PRR5: variants seen among roughly 807,000 people sequenced by gnomAD.
PRR5 encodes the protein proline rich 5, also known as proline-rich protein 5.
A neutral mutation model predicts 30.6 loss-of-function variants in PRR5; 25 were observed. That is an observed-to-expected ratio of 0.82 (90% CI 0.60 to 1.14). The LOEUF is 1.14. Among genes scored for constraint, PRR5 ranks in the 50% most tolerant of loss-of-function variants. PRR5 has a pLI of 0.00. For missense variants in PRR5, 600 were observed against 547.1 expected (o/e 1.10, Z -0.96); for synonymous variants, 286 against 247.1 (o/e 1.16, Z -1.48).
intron 2 of PRR5, among the ~76,000 whole-genome samples, chr22:44,716,391 A>C (rs1929053184): frequency 6.6e-6 from 1 of 152,222 alleles, no homozygotes; most frequent in South Asian, 2.1e-4. Flanking sequence ...TTTTCACACC[A>C]AACCTGTAGT....
At chr22:44,687,738 C>G (rs749246504) in intron 1 of PRR5, among the ~76,000 whole-genome samples, 1 of 152,114 alleles carries the variant, frequency 6.6e-6, no homozygotes, top group East Asian at 1.9e-4. Context: ...CTCTCCACCC[C>G]CACAAGGCTG....
chr22:44,670,369 CTG>C (rs1923353740), intron 1 of PRR5, among the ~76,000 whole-genome samples: 1 of 152,224 alleles, frequency 6.6e-6, no homozygotes, highest in Admixed American at 6.5e-5. Flanking sequence ...TCCGGCAGGC[CTG>C]AGTCAGGATC....
intron 1 of PRR5, among the ~76,000 whole-genome samples, chr22:44,710,024 G>A (rs771596942): frequency 3.3e-5 from 5 of 152,108 alleles, no homozygotes; most frequent in African/African-American, 7.2e-5. Context: ...CCCCCTACCC[G>A]CCGCCCCTCC....
intron 1 of PRR5, among the ~76,000 whole-genome samples, chr22:44,684,256 G>A (rs1389334450): frequency 6.6e-6 from 1 of 152,196 alleles, no homozygotes; most frequent in African/African-American, 2.4e-5. Context: ...AAATGTGCTG[G>A]TGATGGCCAG....
intron 1 of PRR5, among the ~76,000 whole-genome samples, chr22:44,703,325 A>G (rs1601995269): frequency 8.0e-6 from 1 of 125,434 alleles, no homozygotes; most frequent in South Asian, 2.4e-4. Flanking sequence ...GGCAGTGGAC[A>G]CTGTTCGGGG....
chr22:44,691,023 G>A lies in PRR5; in HGVS notation c.-10-11469G>A, dbSNP rs555145017. On this transcript the variant is annotated intron_variant, in intron 1 of 8. Coordinates refer to the PRR5 transcript ENST00000006251. The surrounding 1 kb of genome is among the most constrained non-coding windows in gnomAD (Gnocchi z 4.4). ...TGAGCAGCCAGGGCAGAGGCATCCT[G>A]GGTGCCCAAGTGAACGTGCTGGCAG... Among the ~76,000 whole-genome samples, 2 of 152,188 alleles carry A rather than the reference G, an allele frequency of 1.3e-5. No homozygotes were observed. Among genetic ancestry groups the A allele is most frequent in the East Asian group, 3.9e-4 (2 of 5,148 alleles).
At chr22:44,705,448 G>A (rs551845516) in intron 1 of PRR5, among the ~76,000 whole-genome samples, 1 of 150,658 alleles carries the variant, frequency 6.6e-6, no homozygotes, top group Non-Finnish European at 1.5e-5. Context: ...CTCAGCCTCT[G>A]GAGTAGCTGG....
Position 44,735,047 on chromosome 22 carries a change from C to G in PRR5, c.576C>G (p.Gly192=). 1 of 1,612,698 alleles carries G rather than the reference C, an allele frequency of 6.2e-7. No homozygotes were observed. The highest frequency in any genetic ancestry group is 8.5e-7 in the Non-Finnish European group (1 of 1,179,498). ...TGCAGGGGGTACATGAGTCCAGGGG[C>G]GTGACTGAGGACTACCTGCGCCTGG... ...LVLQGVHESR[G]VTEDYLRLET... is the part of the protein sequence containing the mutation. The change falls in exon 7 of 8, where the codon GGC becomes GGG. Residue 192 remains glycine, a synonymous_variant. Transcript: ENST00000336985.
intron 1 of PRR5, among the ~76,000 whole-genome samples, chr22:44,694,815 C>T (rs1925602385): frequency 6.6e-6 from 1 of 152,182 alleles, no homozygotes. Context: ...GTGGTCTTAT[C>T]TCCCCACTCC....
chr22:44,726,859 C>A (rs1920969315), intron 4 of PRR5, among the ~76,000 whole-genome samples: 1 of 152,178 alleles, frequency 6.6e-6, no homozygotes, highest in Non-Finnish European at 1.5e-5. Flanking sequence ...CCCAGGAGGG[C>A]TATGAGACAT....
At chr22:44,670,763 C>T (rs111388401) in intron 1 of PRR5, among the ~76,000 whole-genome samples, 2 of 152,240 alleles carry the variant, frequency 1.3e-5, no homozygotes, top group African/African-American at 4.8e-5. Context: ...CTGGCAGAGG[C>T]GGGCAGCGTG....
intron 1 of PRR5, among the ~76,000 whole-genome samples, chr22:44,696,716 C>G (rs79659789): frequency 5.0e-5 from 5 of 99,130 alleles, no homozygotes; most frequent in African/African-American, 2.3e-4. Context: ...AAGACATGAA[C>G]TTACGTATTT....
At chr22:44,699,938 T>A (rs1302082769), upstream of PRR5, among the ~76,000 whole-genome samples, 1 of 152,134 alleles carries the variant, frequency 6.6e-6, no homozygotes, top group Non-Finnish European at 1.5e-5. Context: ...GTTTTTGTTT[T>A]TTTTTTTACA....
chr22:44,690,094 C>G (rs536093098), intron 1 of PRR5, among the ~76,000 whole-genome samples: 126 of 152,154 alleles, frequency 8.3e-4, no homozygotes, highest in African/African-American at 3.0e-3. Context: ...CACCTGAGCA[C>G]TGGGGCCCAA....
At chr22:44,730,303 G>A in intron 4 of PRR5, 12 of 985,354 alleles carry the variant, frequency 1.2e-5, no homozygotes, top group Non-Finnish European at 1.4e-5. Flanking sequence ...TCACTCAGAG[G>A]CGCCCACACC....
Position 44,735,020 on chromosome 22 carries a change from C to G in PRR5, c.556-7C>G. ...GACCCCCTACCCCCTGCCCCACTCT[C>G]CTGCAGGGGGTACATGAGTCCAGGG... is the stretch of plus-strand genomic sequence containing the variant. On this transcript the variant is annotated splice_polypyrimidine_tract_variant and splice_region_variant and intron_variant, in intron 6 of 7. Transcript: ENST00000336985. The G allele has an allele frequency of 6.2e-7, 1 of 1,611,552 alleles. No homozygotes were observed. Among genetic ancestry groups the G allele is most frequent in the Non-Finnish European group, 8.5e-7 (1 of 1,178,828 alleles).
chr22:44,688,937 G>T (rs1166244194), intron 1 of PRR5, among the ~76,000 whole-genome samples: 1 of 152,088 alleles, frequency 6.6e-6, no homozygotes, highest in Non-Finnish European at 1.5e-5. Context: ...GCAGTGAGCC[G>T]AGATCACTCC....
At chr22:44,710,199 G>A (rs1927955241) in intron 1 of PRR5, among the ~76,000 whole-genome samples, 1 of 152,102 alleles carries the variant, frequency 6.6e-6, no homozygotes, top group South Asian at 2.1e-4. Flanking sequence ...CTTCTCTTCA[G>A]CCCAAGCCCC....
chr22:44,670,122 G>A (rs6006844), intron 1 of PRR5, among the ~76,000 whole-genome samples: 67,856 of 151,834 alleles, frequency 0.45, 15,495 homozygotes, highest in Non-Finnish European at 0.5. Context: ...TGTTAACATC[G>A]GATGAGGGGG....
Sources: gnomAD v4.1 joint callset for allele counts (sites outside exome capture counted in the v4.1 genomes callset) on GRCh38, gnomAD v4.1.1 for gene constraint, Gnocchi (gnomAD v3.1) non-coding constraint, MANE v1.5 for transcripts, NCBI Gene and HGNC (gene_info 2026-07-23, HGNC 2026-07-21) for gene names.